Variants in ZNF433 observed in about 807,000 individuals in gnomAD.
ZNF433 encodes the protein zinc finger protein 433.
A neutral mutation model predicts 10.6 loss-of-function variants in ZNF433; 12 were observed. The ratio of observed to expected loss-of-function variants is 1.13; its 90% CI spans 0.72 to 1.83. ZNF433 has a LOEUF of 1.83. Ranked by LOEUF, ZNF433 falls within the 40% of genes most tolerant of loss-of-function variation. The pLI is 0.00. For missense variants in ZNF433, 737 were observed against 798.0 expected (o/e 0.92, Z 0.92); for synonymous variants, 272 against 271.3 (o/e 1.00, Z -0.02).
chr19:12,031,882 A>T (rs1975046928), intron 1 of ZNF433, among the ~76,000 whole-genome samples: 1 of 133,092 alleles, frequency 7.5e-6, no homozygotes, highest in African/African-American at 3.3e-5. Context: ...AGACCCTTTA[A>T]AAAAAAAAAA....
chr19:12,017,865 G>C lies in ZNF433; in HGVS notation c.191+11C>G, dbSNP rs752547214. 1.3e-6 allele frequency: 2 copies of C among 1,549,188 alleles called. No individual in the cohort carries two copies. Among genetic ancestry groups the C allele is most frequent in the Admixed American group, 2.0e-5 (1 of 49,420 alleles). ...AGAGACACACGTCTTTGTCATGTGAGTGCAAGTTACCTTAGGTTTCTCCTT... is the reference window on the plus strand; with the variant it reads ...AGAGACACACGTCTTTGTCATGTGACTGCAAGTTACCTTAGGTTTCTCCTT... On this transcript the variant is annotated intron_variant, in intron 3 of 3. Coordinates refer to ENST00000550507, the MANE Select transcript of ZNF433 (RefSeq NM_001308348.2).
At chr19:12,034,660 A>T in intron 1 of ZNF433, 1 of 348,102 alleles carries the variant, frequency 2.9e-6, no homozygotes, top group Non-Finnish European at 5.7e-6. Context: ...GGATGAAATC[A>T]TATGACAGAT....
Position 12,035,675 on chromosome 19 carries a change from C to G in ZNF433, c.-136G>C, listed in dbSNP as rs1334374672. On this transcript the variant is annotated 5_prime_UTR_variant, in exon 1 of 4. Coordinates refer to ENST00000550507, the MANE Select transcript of ZNF433 (RefSeq NM_001308348.2). ...TCAGCTCGCCGCCTGGAGCCGGGAA[C>G]CGAGGAGAGCAGGGCCTTCGCCCTC... The G allele has an allele frequency of 2.4e-6, 3 of 1,262,826 alleles. No individual in the cohort carries two copies. The highest frequency in any genetic ancestry group is 4.8e-5 in the Admixed American group (2 of 41,878). The allele number at this position is 1,262,826 out of a possible 1,614,324, so 78.2% of individuals were successfully genotyped here. A position where few individuals can be genotyped will look rare whatever the true frequency, so the allele number is the denominator to read the frequency against.
intron 1 of ZNF433, among the ~76,000 whole-genome samples, chr19:12,020,422 A>G (rs149118240): frequency 2.2e-4 from 33 of 152,286 alleles, no homozygotes; most frequent in African/African-American, 7.7e-4. Flanking sequence ...GTTATTGAGC[A>G]CTTTCTCTCA....
intron 1 of ZNF433, among the ~76,000 whole-genome samples, chr19:12,028,560 T>G (rs1436410224): frequency 2.0e-5 from 3 of 152,178 alleles, no homozygotes; most frequent in Non-Finnish European, 4.4e-5. Flanking sequence ...GTTTCTAGAG[T>G]GGAAACTCTG....
At chr19:12,026,705 T>C (rs1050812879) in intron 1 of ZNF433, 2 of 454,026 alleles carry the variant, frequency 4.4e-6, no homozygotes, top group African/African-American at 4.0e-5. Context: ...CGTACTTGTT[T>C]GGGAAGATTG....
At chr19:12,022,127 T>C (rs1974527070) in intron 1 of ZNF433, 1 of 425,188 alleles carries the variant, frequency 2.4e-6, no homozygotes, top group African/African-American at 2.0e-5. Flanking sequence ...GACTGTTGGT[T>C]TACCGGAATG....
chr19:12,026,379 C>A, intron 1 of ZNF433: 2 of 302,514 alleles, frequency 6.6e-6, no homozygotes, highest in South Asian at 5.5e-5. Context: ...AAGAAGCTGT[C>A]ACAGATGGCA....
chr19:12,015,686 T>C lies in ZNF433; in HGVS notation c.1172A>G (p.Tyr391Cys), dbSNP rs755955588. ...HEKTHTGEKP[Y>C]KCNQCGKAFN... ...GGCTTTACCACATTGGTTGCATTTA[T>C]AGGGTTTCTCTCCAGTGTGAGTTTT... is the stretch of plus-strand genomic sequence containing the variant. The change falls in exon 4 of 4, where the codon TAT becomes TGT. Residue 391 changes from tyrosine (Y) to cysteine (C), a missense_variant. Tyr to Cys is a radical substitution (Grantham distance 194). Coordinates refer to ENST00000550507, the MANE Select transcript of ZNF433 (RefSeq NM_001308348.2). The C allele has an allele frequency of 2.5e-6, 4 of 1,613,912 alleles. No homozygotes were observed. The highest frequency in any genetic ancestry group is 1.3e-5 in the African/African-American group (1 of 74,924).
At chr19:12,017,741 T>C in intron 3 of ZNF433, 135 bp downstream of exon 3, 1 of 662,164 alleles carries the variant, frequency 1.5e-6, no homozygotes, top group Non-Finnish European at 2.5e-6. Context: ...CAATATGTGT[T>C]TAGAGAAAAT....
At position 12,014,944 on chromosome 19, in the gene ZNF433, A is replaced by G; in HGVS notation, c.1914T>C (p.Thr638=). 1 of 1,614,018 alleles carries G rather than the reference A, an allele frequency of 6.2e-7. No homozygotes were observed. The change falls in exon 4 of 4, where the codon ACT becomes ACC. Residue 638 remains threonine (T), a synonymous_variant. Coordinates refer to ENST00000550507, the MANE Select transcript of ZNF433 (RefSeq NM_001308348.2). ...GGTTACATTTATAGGGTTTCTCTCC[A>G]GTGTGAGTCCTTCCATGCCTTCGAA... ...SNLRRHGRTH[T]GEKPYKCNQC... is the part of the protein sequence containing the mutation.
Position 12,035,530 on chromosome 19 carries a change from C to T in ZNF433, c.3+7G>A, listed in dbSNP as rs376722663. 4.4e-6 allele frequency: 7 copies of T among 1,573,120 alleles called. No homozygotes were observed. In the African/African-American group the frequency reaches 6.8e-5, roughly 15 times the overall value. On this transcript the variant is annotated splice_region_variant and intron_variant, in intron 1 of 3. Transcript: ENST00000550507. ...CCCGCCTCGGGACCCCTGGCCCGCA[C>T]GCTCACCATTTCTTGCCTTTCAGGT...
intron 3 of ZNF433, among the ~76,000 whole-genome samples, chr19:12,017,247 G>C (rs1436575366): frequency 1.3e-5 from 2 of 152,044 alleles, no homozygotes; most frequent in Non-Finnish European, 2.9e-5. Flanking sequence ...CTGTTGCCCA[G>C]GCTGGAATGC....
chr19:12,035,383 G>A (rs991890600), intron 1 of ZNF433, among the ~76,000 whole-genome samples, 154 bp downstream of exon 1: 2 of 152,224 alleles, frequency 1.3e-5, no homozygotes, highest in East Asian at 3.9e-4. Flanking sequence ...GCCCCACTGT[G>A]GGGCCAAGGG....
intron 1 of ZNF433, among the ~76,000 whole-genome samples, chr19:12,029,081 C>T (rs78199383): frequency 0.019 from 2,943 of 152,232 alleles, 88 homozygotes; most frequent in African/African-American, 0.058. Flanking sequence ...TGTCCTTAAA[C>T]ACACACTGAT....
chr19:12,035,442 G>A, intron 1 of ZNF433, 95 bp downstream of exon 1: 1 of 1,521,180 alleles, frequency 6.6e-7, no homozygotes, highest in Non-Finnish European at 8.9e-7. Context: ...AGACCCCGGA[G>A]TCGCCGCGGG....
chr19:12,023,308 C>T (rs1568336144), intron 1 of ZNF433: 1 of 152,144 alleles, frequency 6.6e-6, no homozygotes. Context: ...CTAGGTAGAT[C>T]TAGTTTAAAT....
In ZNF433 at chr19:12,018,307, A is replaced by T; in HGVS notation, c.4-15T>A. ...GCCACTGAATCCTGAAACATCTCAC[A>T]TGTATAGAGGAGGATGGATAAGACT... On this transcript the variant is annotated splice_polypyrimidine_tract_variant and intron_variant, in intron 1 of 3. Coordinates refer to ENST00000550507, the MANE Select transcript of ZNF433 (RefSeq NM_001308348.2). 2 of 1,611,922 alleles carry T rather than the reference A, an allele frequency of 1.2e-6. No homozygotes were observed. Among genetic ancestry groups the T allele is most frequent in the Non-Finnish European group, 1.7e-6 (2 of 1,179,244 alleles).
At chr19:12,033,770 A>C (rs2145494886) in intron 1 of ZNF433, among the ~76,000 whole-genome samples, 2 of 152,178 alleles carry the variant, frequency 1.3e-5, no homozygotes, top group South Asian at 4.2e-4. Context: ...TGCAGTGAGT[A>C]GAGATCGCGC....
Sources: allele counts gnomAD v4.1 joint callset (sites outside exome capture counted in the v4.1 genomes callset), GRCh38; gene constraint gnomAD v4.1.1; transcripts MANE v1.5; gene names NCBI Gene and HGNC (gene_info 2026-07-23, HGNC 2026-07-21).